The following QSOX1 variants were observed in gnomAD, a reference collection of about 807,000 sequenced individuals.
The protein encoded by QSOX1 is quiescin sulfhydryl oxidase 1.
A neutral mutation model predicts 76.1 loss-of-function variants in QSOX1; 40 were observed. The ratio of observed to expected loss-of-function variants is 0.53; its 90% CI spans 0.41 to 0.68. The LOEUF (loss-of-function observed/expected upper bound fraction) is 0.68. Among genes scored for constraint, QSOX1 ranks in the 30% least tolerant of loss-of-function variants. The pLI, the probability that QSOX1 is intolerant of heterozygous loss-of-function variation, is 0.00. For missense variants in QSOX1, 931 were observed against 974.3 expected (o/e 0.96, Z 0.59); for synonymous variants, 392 against 413.1 (o/e 0.95, Z 0.62).
intron 7 of QSOX1, among the ~76,000 whole-genome samples, chr1:180,185,221 A>G (rs1663143063): frequency 6.6e-6 from 1 of 152,016 alleles, no homozygotes; most frequent in Non-Finnish European, 1.5e-5. Context: ...GGAGGTTGTC[A>G]TGGAGGGGTC....
At chr1:180,176,146 T>G in intron 4 of QSOX1, 113 bp downstream of exon 4, 1 of 832,268 alleles carries the variant, frequency 1.2e-6, no homozygotes, top group East Asian at 2.7e-5. Flanking sequence ...CCTTGCTGCC[T>G]TTGCCTGTGG....
rs775657424 is a variant in QSOX1, at chr1:180,154,937, G to A, written c.30G>A (p.Pro10=). The A allele has an allele frequency of 6.8e-6, 10 of 1,478,000 alleles. No individual in the cohort carries two copies. In the Admixed American group the frequency reaches 2.1e-4, roughly 31 times the overall value. The allele number at this position is 1,478,000 out of a possible 1,614,324, so 91.6% of individuals were successfully genotyped here. A position where few individuals can be genotyped will look rare whatever the true frequency, so the allele number is the denominator to read the frequency against. ...GGAGGTGCAACAGCGGCTCCGGGCC[G>A]CCGCCGTCGCTGCTGCTGCTGCTGC... MRRCNSGSG[P]PPSLLLLLLW... is the part of the protein sequence containing the mutation. Residue 10 remains proline, a synonymous_variant, in exon 1 of 12, where the codon CCG becomes CCA. Coordinates refer to ENST00000367602, the MANE Select transcript of QSOX1 (RefSeq NM_002826.5).
chr1:180,194,970 C>T (rs1017550197), intron 11 of QSOX1, among the ~76,000 whole-genome samples: 4 of 136,570 alleles, frequency 2.9e-5, no homozygotes, highest in African/African-American at 1.0e-4. Flanking sequence ...CGGGAGGGAG[C>T]GGTGCACGTG....
chr1:180,188,102 C>G (rs1316147423), intron 8 of QSOX1, among the ~76,000 whole-genome samples: 2 of 152,206 alleles, frequency 1.3e-5, no homozygotes, highest in Non-Finnish European at 2.9e-5. Context: ...AAGCACCTTG[C>G]CAGGGTCTTC....
intron 2 of QSOX1, among the ~76,000 whole-genome samples, chr1:180,170,876 A>G (rs1234248159): frequency 6.6e-6 from 1 of 152,190 alleles, no homozygotes; most frequent in Non-Finnish European, 1.5e-5. Context: ...GCAGAGATAA[A>G]TAAAATGTCG....
In QSOX1 at chr1:180,200,351, G is replaced by A. The variant is rs1663610796; in HGVS notation, c.*3314G>A. The A allele has an allele frequency of 6.6e-6, 1 of 152,230 alleles. No individual in the cohort carries two copies. The highest frequency in any genetic ancestry group is 1.5e-5 in the Non-Finnish European group (1 of 68,078). The allele number at this position is 152,230 out of a possible 1,614,324, so 9.4% of individuals were successfully genotyped here. A position where few individuals can be genotyped will look rare whatever the true frequency, so the allele number is the denominator to read the frequency against. ...AAACTCAAGGGGCCCTGTTGTGCTTGGAGGGGGGTGCCGTTCCCACAGGAT... is the reference window on the plus strand; with the variant it reads ...AAACTCAAGGGGCCCTGTTGTGCTTAGAGGGGGGTGCCGTTCCCACAGGAT... On this transcript the variant is annotated 3_prime_UTR_variant, in exon 12 of 12. Transcript: ENST00000367602.
chr1:180,164,993 T>G (rs1158343431), intron 1 of QSOX1, among the ~76,000 whole-genome samples: 1 of 152,228 alleles, frequency 6.6e-6, no homozygotes, highest in East Asian at 1.9e-4. Context: ...GAGAACTCAC[T>G]CGTTATCAAG....
intron 11 of QSOX1, among the ~76,000 whole-genome samples, chr1:180,194,951 T>G (rs1663422074): frequency 6.7e-6 from 1 of 148,920 alleles, no homozygotes; most frequent in African/African-American, 2.5e-5. Context: ...CAGGAGGCGG[T>G]TTGTGTGTCG....
At chr1:180,162,545 G>T (rs1234463472) in intron 1 of QSOX1, among the ~76,000 whole-genome samples, 1 of 152,064 alleles carries the variant, frequency 6.6e-6, no homozygotes, top group Non-Finnish European at 1.5e-5. Context: ...AGACCAGTCT[G>T]GGCAACATAG....
chr1:180,181,197 A>G (rs549838894), intron 5 of QSOX1, among the ~76,000 whole-genome samples: 5 of 152,190 alleles, frequency 3.3e-5, no homozygotes, highest in South Asian at 2.1e-4. Context: ...TGACTGATGT[A>G]TATTTTTCTG....
chr1:180,175,225 G>C, intron 2 of QSOX1, 96 bp from the exon 3 acceptor site: 20 of 1,093,012 alleles, frequency 1.8e-5, no homozygotes, highest in Non-Finnish European at 2.7e-5. Context: ...CCCAGCCACC[G>C]CATTGAATAA....
At chr1:180,194,607 T>C (rs1663414351) in intron 11 of QSOX1, among the ~76,000 whole-genome samples, 1 of 152,238 alleles carries the variant, frequency 6.6e-6, no homozygotes, top group Non-Finnish European at 1.5e-5. Context: ...CCCATGCCGT[T>C]GCTCACTTTT....
At chr1:180,182,056 A>G in intron 5 of QSOX1, 118 bp from the exon 6 acceptor site, 3 of 987,914 alleles carry the variant, frequency 3.0e-6, no homozygotes, top group Non-Finnish European at 4.5e-6. Context: ...TTGTGGGTTT[A>G]GAGTCTGGAA....
At chr1:180,169,256 G>A (rs925417318) in intron 2 of QSOX1, among the ~76,000 whole-genome samples, 3 of 152,244 alleles carry the variant, frequency 2.0e-5, no homozygotes, top group African/African-American at 7.2e-5. Flanking sequence ...GAACTTCCGG[G>A]TCAAGGGGCT....
At chr1:180,165,214 A>C (rs950733290) in intron 1 of QSOX1, among the ~76,000 whole-genome samples, 2 of 152,214 alleles carry the variant, frequency 1.3e-5, no homozygotes, top group Non-Finnish European at 2.9e-5. Flanking sequence ...AGTGTTCTGT[A>C]CTTAATGGGT....
At chr1:180,187,734 T>C (rs1663209957) in intron 8 of QSOX1, among the ~76,000 whole-genome samples, 1 of 152,200 alleles carries the variant, frequency 6.6e-6, no homozygotes, top group African/African-American at 2.4e-5. Context: ...TGAAGGTGCC[T>C]GCCCTGCCAG....
chr1:180,190,693 CCAGA>C, intron 10 of QSOX1, 113 bp downstream of exon 10: 1 of 1,324,274 alleles, frequency 7.6e-7, no homozygotes, highest in Non-Finnish European at 1.0e-6. Flanking sequence ...CTCCCAGCTG[CCAGA>C]AGATGGGGAG....
Position 180,189,838 on chromosome 1 carries a change from C to T in QSOX1, c.1140+164C>T, listed in dbSNP as rs3888269. Among the ~76,000 whole-genome samples the T allele has an allele frequency of 9.3e-3, 1,409 of 152,316 alleles. 9 individuals carry two copies. Among genetic ancestry groups the T allele is most frequent in the Admixed American group, 0.015 (234 of 15,304 alleles). ...AATAAATGACTATTGATTGAGCTCTCTATGCGCACATCTCATTTAATCCTC... is the reference window on the plus strand; with the variant it reads ...AATAAATGACTATTGATTGAGCTCTTTATGCGCACATCTCATTTAATCCTC... On this transcript the variant is annotated intron_variant, in intron 9 of 11. Transcript: ENST00000367602.
At position 180,194,999 on chromosome 1, in the gene QSOX1, G is replaced by GC. The variant is rs558398985; in HGVS notation, c.1468+607_1468+608insC. On this transcript the variant is annotated intron_variant, in intron 11 of 11. Transcript: ENST00000367602. ...GCACGTGGCTGTGACAGCCTCCCGG[G>GC]GGGGGGAGACCAGGGCGGAGCCGAG... 8.6e-5 allele frequency among the ~76,000 whole-genome samples: 13 copies of GC among 150,318 alleles called. 2 individuals are homozygous for GC. Among genetic ancestry groups the GC allele is most frequent in the East Asian group, 5.9e-4 (3 of 5,118 alleles).
Sources: gnomAD v4.1 joint callset for allele counts (sites outside exome capture counted in the v4.1 genomes callset) on GRCh38, gnomAD v4.1.1 for gene constraint, MANE v1.5 for transcripts, NCBI Gene and HGNC (gene_info 2026-07-23, HGNC 2026-07-21) for gene names.